Variants in SLC14A2 observed in about 807,000 individuals in gnomAD.
SLC14A2 encodes solute carrier family 14 member 2, also known as urea transporter 2.
In SLC14A2, 91 loss-of-function variants were observed where a neutral mutation model predicts 104.6. The observed-to-expected ratio is 0.87, with a 90% CI of 0.73 to 1.04. The LOEUF (loss-of-function observed/expected upper bound fraction) is 1.04. Ranked by LOEUF, SLC14A2 falls within the 50% of genes least tolerant of loss-of-function variation. The probability of loss-of-function intolerance (pLI) is 0.00; values close to 1 mark genes in which losing one functional copy is unlikely to be tolerated. For synonymous variants in SLC14A2, 476 were observed against 466.4 expected, an observed-to-expected ratio of 1.02 and a Z score of -0.27; for missense variants, 1,189 against 1,156.0, an observed-to-expected ratio of 1.03 and a Z score of -0.41.
chr18:45,326,084 T>C (rs2085231583), intron 1 of SLC14A2, among the ~76,000 whole-genome samples: 1 of 152,236 alleles, frequency 6.6e-6, no homozygotes, highest in Non-Finnish European at 1.5e-5. Flanking sequence ...TCCTGATTTC[T>C]AGCTGGATGG....
intron 2 of SLC14A2, among the ~76,000 whole-genome samples, chr18:45,600,916 G>A (rs1237392131): frequency 2.6e-5 from 4 of 152,222 alleles, no homozygotes; most frequent in Admixed American, 1.3e-4. Context: ...GCAGGTCCAT[G>A]AAGCCAACCC....
At chr18:45,257,316 C>T (rs763760105) in intron 1 of SLC14A2, among the ~76,000 whole-genome samples, 14 of 152,184 alleles carry the variant, frequency 9.2e-5, no homozygotes, top group African/African-American at 1.9e-4. Flanking sequence ...TAAATTCACA[C>T]GTAATAGACT....
At chr18:45,282,285 G>A (rs2084770255) in intron 1 of SLC14A2, among the ~76,000 whole-genome samples, 2 of 152,104 alleles carry the variant, frequency 1.3e-5, no homozygotes, top group Admixed American at 6.5e-5. Flanking sequence ...CCAGCAGCTG[G>A]GGTGCTTTAG....
intron 4 of SLC14A2, 150 bp from the exon 5 acceptor site, chr18:45,632,200 C>G (rs1216892949): frequency 1.3e-6 from 1 of 787,318 alleles, no homozygotes; most frequent in Non-Finnish European, 2.0e-6. Flanking sequence ...AGCTATGTGA[C>G]TGCCCAATAT....
At chr18:45,605,907 A>T (rs949304024) in intron 2 of SLC14A2, among the ~76,000 whole-genome samples, 1 of 152,154 alleles carries the variant, frequency 6.6e-6, no homozygotes, top group African/African-American at 2.4e-5. Context: ...TTCCAGGTAC[A>T]TTTATCTTTG....
At chr18:45,506,393 C>T (rs546646775) in intron 2 of SLC14A2, among the ~76,000 whole-genome samples, 4 of 152,268 alleles carry the variant, frequency 2.6e-5, no homozygotes, top group African/African-American at 9.6e-5. Context: ...TGCTGAATTC[C>T]GAGCTGTAGT....
intron 10 of SLC14A2, among the ~76,000 whole-genome samples, chr18:45,659,453 A>T (rs1303401376): frequency 6.6e-6 from 1 of 152,260 alleles, no homozygotes; most frequent in Non-Finnish European, 1.5e-5. Context: ...GTAATATCTT[A>T]GGAACCAAAA....
intron 1 of SLC14A2, among the ~76,000 whole-genome samples, chr18:45,285,755 G>A (rs1044429359): frequency 6.6e-6 from 1 of 151,716 alleles, no homozygotes; most frequent in East Asian, 1.9e-4. Flanking sequence ...CTGACAAAGG[G>A]AGCCATAGTC....
At chr18:45,214,366 C>T (rs1283428908) in intron 1 of SLC14A2, among the ~76,000 whole-genome samples, 1 of 152,132 alleles carries the variant, frequency 6.6e-6, no homozygotes, top group Non-Finnish European at 1.5e-5. Flanking sequence ...ATCAGAATCT[C>T]GGTCTCTGGG....
rs2046088273 is a variant in SLC14A2 at position 45,669,350 on chromosome 18, A to G, written c.2081A>G (p.Asp694Gly). ...CTGGGTACCATCTTCAGCAAGTGGG[A>G]CCTCCCAGTCTTCACACTGCCCTTC... The part of the protein sequence containing the change: ...SALGTIFSKW[D>G]LPVFTLPFNI... Residue 694 changes from aspartate to glycine, a missense_variant, in exon 16 of 20, where the codon GAC becomes GGC. Coordinates refer to ENST00000255226, the MANE Select transcript of SLC14A2 (RefSeq NM_007163.4). 1 of 1,613,694 alleles carries G rather than the reference A, an allele frequency of 6.2e-7. No homozygotes were observed. The highest frequency in any genetic ancestry group is 1.3e-5 in the African/African-American group (1 of 74,924).
At chr18:45,195,338 C>A in the SLC14A2 span, among the ~76,000 whole-genome samples, 1 of 152,176 alleles carries the variant, frequency 6.6e-6, no homozygotes, top group African/African-American at 2.4e-5. Context: ...GAATTTCTTA[C>A]CAGTTAGAAG....
At chr18:45,564,962 G>C (rs951794957) in intron 2 of SLC14A2, among the ~76,000 whole-genome samples, 2 of 152,102 alleles carry the variant, frequency 1.3e-5, no homozygotes, top group Admixed American at 6.5e-5. Flanking sequence ...CAAGTGATGA[G>C]GGTAGGATGG....
At chr18:45,679,101 A>C in intron 19 of SLC14A2, 77 bp downstream of exon 19, 1 of 1,320,304 alleles carries the variant, frequency 7.6e-7, no homozygotes. Context: ...CCTGCTGAAA[A>C]CCTCTCTCCT....
intron 2 of SLC14A2, among the ~76,000 whole-genome samples, chr18:45,599,326 G>A (rs903133166): frequency 1.3e-5 from 2 of 152,122 alleles, no homozygotes; most frequent in African/African-American, 4.8e-5. Context: ...TCATTATCCT[G>A]CTGGCAATGA....
chr18:45,356,052 G>A (rs181087350), intron 1 of SLC14A2, among the ~76,000 whole-genome samples: 49 of 152,260 alleles, frequency 3.2e-4, no homozygotes, highest in African/African-American at 1.2e-3. Flanking sequence ...CAGCTTTTGT[G>A]ATAGCTTTGA....
intron 1 of SLC14A2, among the ~76,000 whole-genome samples, chr18:45,314,184 A>G (rs2085106039): frequency 6.6e-6 from 1 of 152,224 alleles, no homozygotes; most frequent in Admixed American, 6.5e-5. Flanking sequence ...GCCCTTGATC[A>G]TGAGGGTGAC....
At chr18:45,244,979 T>C (rs919628407) in intron 1 of SLC14A2, among the ~76,000 whole-genome samples, 1 of 152,122 alleles carries the variant, frequency 6.6e-6, no homozygotes, top group Admixed American at 6.5e-5. Flanking sequence ...AAGTGGAAGG[T>C]GGTGATTCTG....
intron 1 of SLC14A2, among the ~76,000 whole-genome samples, chr18:45,453,570 G>A (rs2086890609): frequency 6.6e-6 from 1 of 152,044 alleles, no homozygotes; most frequent in Non-Finnish European, 1.5e-5. Flanking sequence ...TAACATTTTG[G>A]TGTTTCATTT....
At chr18:45,240,091 C>CTTTTTTTTTTTT (rs763802776) in intron 1 of SLC14A2, among the ~76,000 whole-genome samples, 1 of 89,638 alleles carries the variant, frequency 1.1e-5, no homozygotes, top group Non-Finnish European at 2.0e-5. Context: ...GCAAATATCT[C>CTTTTTTTTTTTT]TTTTTTTTTT....
Sources: allele counts gnomAD v4.1 joint callset (sites outside exome capture counted in the v4.1 genomes callset), GRCh38; gene constraint gnomAD v4.1.1; transcripts MANE v1.5; gene names NCBI Gene and HGNC (gene_info 2026-07-23, HGNC 2026-07-21).